Variants in TDRD12 observed in about 807,000 individuals in gnomAD.
TDRD12 encodes putative ATP-dependent RNA helicase TDRD12.
TDRD12 carries 158 observed loss-of-function variants against 133.5 expected under a neutral mutation model. That is an observed-to-expected ratio of 1.18 (90% CI 1.04 to 1.35). The LOEUF (loss-of-function observed/expected upper bound fraction) is 1.35, where lower values mean the gene tolerates loss of function less well. TDRD12 is among the 40% of genes most tolerant of loss of function. TDRD12 has a pLI of 0.00. For synonymous variants in TDRD12, 460 were observed against 477.9 expected, an observed-to-expected ratio of 0.96 and a Z score of 0.49; for missense variants, 1,443 against 1,321.3, an observed-to-expected ratio of 1.09 and a Z score of -1.43.
intron 4 of TDRD12, among the ~76,000 whole-genome samples, chr19:32,746,808 G>A (rs950270297): frequency 1.5e-4 from 23 of 151,676 alleles, no homozygotes; most frequent in Admixed American, 3.3e-4. Flanking sequence ...GACGGGGAGA[G>A]AGACTGGCTG....
intron 16 of TDRD12, among the ~76,000 whole-genome samples, chr19:32,799,728 C>CTTTTTTTTT (rs71176153): frequency 3.8e-4 from 30 of 78,432 alleles, no homozygotes; most frequent in African/African-American, 4.4e-4. Context: ...TAGTTTTTGC[C>CTTTTTTTTT]TTTTTTTTTT....
downstream of TDRD12, among the ~76,000 whole-genome samples, chr19:32,821,504 G>C (rs913425453): frequency 5.9e-5 from 9 of 151,996 alleles, no homozygotes; most frequent in Admixed American, 1.3e-4. Flanking sequence ...TCTGATTTCT[G>C]ACACCATGAG....
At chr19:32,819,685 G>T (rs2145754286) in intron 27 of TDRD12, among the ~76,000 whole-genome samples, 1 of 152,290 alleles carries the variant, frequency 6.6e-6, no homozygotes, top group Middle Eastern at 3.4e-3. Flanking sequence ...TGCTAGAAGA[G>T]ACCCCATATC....
intron 13 of TDRD12, among the ~76,000 whole-genome samples, 179 bp from the exon 14 acceptor site, chr19:32,794,449 C>T (rs969816273): frequency 6.6e-6 from 1 of 152,066 alleles, no homozygotes; most frequent in African/African-American, 2.4e-5. Flanking sequence ...GAAAAAGCAA[C>T]AGTCTTTTAA....
At chr19:32,744,499 C>CAAAAAAAAAAAAAAAAAAAAAAAAAAA (rs10644749) in intron 4 of TDRD12, among the ~76,000 whole-genome samples, 1 of 38,090 alleles carries the variant, frequency 2.6e-5, no homozygotes, top group Non-Finnish European at 4.6e-5. Flanking sequence ...GACTCCGTCT[C>CAAAAAAAAAAAAAAAAAAAAAAAAAAA]AAAAAAAAAA....
chr19:32,745,293 C>T (rs1223971980), intron 4 of TDRD12, among the ~76,000 whole-genome samples: 3 of 152,224 alleles, frequency 2.0e-5, no homozygotes, highest in Non-Finnish European at 2.9e-5. Flanking sequence ...CTTCCGGGCC[C>T]TTCCCCACCC....
At chr19:32,783,495 G>C (rs891978763) in intron 11 of TDRD12, among the ~76,000 whole-genome samples, 1 of 152,080 alleles carries the variant, frequency 6.6e-6, no homozygotes, top group Admixed American at 6.5e-5. Context: ...CTCCAATTCT[G>C]TGAAAAAAGT....
chr19:32,731,622 T>C, intron 1 of TDRD12, 103 bp from the exon 2 acceptor site: 1 of 1,067,386 alleles, frequency 9.4e-7, no homozygotes, highest in Non-Finnish European at 1.3e-6. Flanking sequence ...AAGAATTTGT[T>C]AGGTCACTTA....
chr19:32,777,068 A>T, intron 10 of TDRD12, 81 bp from the exon 11 acceptor site: 2 of 902,498 alleles, frequency 2.2e-6, no homozygotes, highest in Non-Finnish European at 3.3e-6. Context: ...TTATTTTTTT[A>T]TTTTTGTCGA....
At chr19:32,777,863 T>A (rs1429594906) in intron 11 of TDRD12, among the ~76,000 whole-genome samples, 111 of 37,204 alleles carry the variant, frequency 3.0e-3, no homozygotes, top group South Asian at 3.6e-3. Context: ...ATATATTTTT[T>A]TTTTTTTTTT....
At chr19:32,750,960 T>C (rs996883155) in intron 6 of TDRD12, among the ~76,000 whole-genome samples, 3 of 152,216 alleles carry the variant, frequency 2.0e-5, no homozygotes, top group African/African-American at 7.2e-5. Context: ...TTCCTTCAGC[T>C]TCTAAGTTTG....
intron 5 of TDRD12, among the ~76,000 whole-genome samples, chr19:32,749,520 C>T (rs1362083579): frequency 6.6e-6 from 1 of 152,004 alleles, no homozygotes; most frequent in Non-Finnish European, 1.5e-5. Context: ...CAGATGAAGG[C>T]CTGGGACTGG....
In TDRD12 at chr19:32,801,977, C is replaced by G. The variant is rs569697112; in HGVS notation, c.2197+104C>G. Reference sequence around the variant, plus strand: ...CATCTCCAGATTTCTCATTATTCCCCAGGTTTACTGAGACTTTATTAGCAA... The same window carrying G: ...CATCTCCAGATTTCTCATTATTCCCGAGGTTTACTGAGACTTTATTAGCAA... On this transcript the variant is annotated intron_variant, in intron 19 of 27. Coordinates refer to ENST00000444215, the Ensembl canonical transcript of TDRD12. 4.1e-5 allele frequency: 19 copies of G among 462,832 alleles called. No individual in the cohort carries two copies. The South Asian group carries it at 8.8e-4, about 21-fold the overall frequency. 28.7% of individuals were successfully genotyped at this position (462,832 alleles called of 1,614,324 possible).
chr19:32,735,140 T>C (rs985387486), intron 2 of TDRD12, among the ~76,000 whole-genome samples: 2 of 152,126 alleles, frequency 1.3e-5, no homozygotes, highest in African/African-American at 2.4e-5. Context: ...ATGATTGAAC[T>C]TAGAGGAAGA....
chr19:32,794,877 C>T, intron 14 of TDRD12, 64 bp downstream of exon 14: 1 of 663,418 alleles, frequency 1.5e-6, no homozygotes, highest in Non-Finnish European at 2.7e-6. Context: ...AAATTATACA[C>T]CTCACCTTTG....
chr19:32,798,663 A>C (rs1018870726), intron 16 of TDRD12, among the ~76,000 whole-genome samples: 70 of 152,230 alleles, frequency 4.6e-4, no homozygotes, highest in African/African-American at 1.7e-3. Context: ...GATTTCCTAA[A>C]ATACTTAAAA....
intron 4 of TDRD12, among the ~76,000 whole-genome samples, chr19:32,745,053 C>T (rs529493170): frequency 2.0e-5 from 3 of 152,358 alleles, no homozygotes; most frequent in East Asian, 1.9e-4. Context: ...TGCGCCCTAC[C>T]AGGCCGCCCT....
intron 8 of TDRD12, among the ~76,000 whole-genome samples, chr19:32,771,539 A>C (rs951380010): frequency 1.3e-5 from 2 of 149,160 alleles, no homozygotes; most frequent in African/African-American, 4.9e-5. Flanking sequence ...TTTCAGACAG[A>C]TGTTTTATCT....
intron 11 of TDRD12, among the ~76,000 whole-genome samples, chr19:32,786,560 C>G (rs569958982): frequency 8.5e-5 from 13 of 152,322 alleles, no homozygotes; most frequent in Middle Eastern, 3.4e-3. Context: ...TCAGGTACAC[C>G]AATCAAACAT....
Sources: allele counts gnomAD v4.1 joint callset (sites outside exome capture counted in the v4.1 genomes callset), GRCh38; gene constraint gnomAD v4.1.1; transcripts MANE v1.5; gene names NCBI Gene and HGNC (gene_info 2026-07-23, HGNC 2026-07-21).